Variants in ZNF112 observed in about 807,000 individuals in gnomAD.
ZNF112 encodes the protein zinc finger protein 112 (Y14).
A neutral mutation model predicts 77.7 loss-of-function variants in ZNF112; 37 were observed. The ratio of observed to expected loss-of-function variants is 0.48; its 90% CI spans 0.37 to 0.63. The LOEUF is 0.63. Ranked by LOEUF, ZNF112 falls within the 20% of genes least tolerant of loss-of-function variation. ZNF112 has a pLI of 0.00. For missense variants in ZNF112, 950 were observed against 1,077.4 expected (o/e 0.88, Z 1.66); for synonymous variants, 333 against 363.6 (o/e 0.92, Z 0.96).
Position 44,327,252 on chromosome 19 carries a change from A to T in ZNF112, c.*181T>A. On this transcript the variant is annotated 3_prime_UTR_variant, in exon 4 of 4. Coordinates refer to ENST00000354340, the MANE Select transcript of ZNF112 (RefSeq NM_013380.4). ...AGCCTTAGCTCCTGTGCAATGACTG[A>T]TGTTAAAGTTCTAACAAAATCCCTC... 1.8e-6 allele frequency: 1 copy of T among 568,326 alleles called. No homozygotes were observed. Among genetic ancestry groups the T allele is most frequent in the South Asian group, 2.6e-5 (1 of 39,056 alleles). The allele number at this position is 568,326 out of a possible 1,614,324, so 35.2% of individuals were successfully genotyped here. A position where few individuals can be genotyped will look rare whatever the true frequency, so the allele number is the denominator to read the frequency against.
Position 44,340,388 on chromosome 19 carries a change from T to A in ZNF112, c.124+28A>T, listed in dbSNP as rs537593055. 247 of 1,609,944 alleles carry A rather than the reference T, an allele frequency of 1.5e-4. 1 individual carries two copies. Among genetic ancestry groups the A allele is most frequent in the Admixed American group, 8.3e-4 (49 of 58,688 alleles). On this transcript the variant is annotated intron_variant, in intron 2 of 3. Coordinates refer to ENST00000354340, the MANE Select transcript of ZNF112 (RefSeq NM_013380.4). ...ACAAAGACACCCCAGGAGGCTGCCATTGAGTAACTAAGGGCACCTATCCTC... is the reference window on the plus strand; with the variant it reads ...ACAAAGACACCCCAGGAGGCTGCCAATGAGTAACTAAGGGCACCTATCCTC...
At chr19:44,350,256 T>C (rs1192764288) in intron 1 of ZNF112, among the ~76,000 whole-genome samples, 7 of 152,082 alleles carry the variant, frequency 4.6e-5, no homozygotes, top group Non-Finnish European at 1.0e-4. Flanking sequence ...GAACCACTAG[T>C]GGCAACAGTG....
At chr19:44,357,623 G>T (rs1265319860), upstream of ZNF112, among the ~76,000 whole-genome samples, 2 of 152,130 alleles carry the variant, frequency 1.3e-5, no homozygotes, top group East Asian at 1.9e-4. Flanking sequence ...AACAGTAAAT[G>T]GTTCCCACGT....
chr19:44,330,361 G>C (rs1314402722), intron 3 of ZNF112, among the ~76,000 whole-genome samples: 3 of 152,166 alleles, frequency 2.0e-5, no homozygotes, highest in Non-Finnish European at 2.9e-5. Flanking sequence ...CATAATTCAG[G>C]ATATCTGATG....
chr19:44,363,587 T>C (rs764752210), intron 1 of ZNF112, among the ~76,000 whole-genome samples: 7 of 152,226 alleles, frequency 4.6e-5, no homozygotes, highest in Non-Finnish European at 8.8e-5. Flanking sequence ...ATAGTGTTTT[T>C]CAGATCCATC....
intron 1 of ZNF112, among the ~76,000 whole-genome samples, chr19:44,352,946 AC>A (rs1485845661): frequency 6.6e-6 from 1 of 152,120 alleles, no homozygotes; most frequent in Non-Finnish European, 1.5e-5. Flanking sequence ...CAATGAAAAT[AC>A]CAGCTGAATT....
In ZNF112 at chr19:44,329,369, T is replaced by C; in HGVS notation, c.788A>G (p.Asn263Ser). Residue 263 changes from asparagine (N) to serine (S), a missense_variant, in exon 4 of 4, where the codon AAT becomes AGT. Physicochemically the swap from Asn to Ser is conservative, Grantham distance 46. Transcript: ENST00000354340. The stretch of plus-strand genomic sequence containing the variant: ...CTGATGAACCTCAGAGCTGGAGTCA[T>C]TACTGAAGGCTTTTCTATACCCAGT... ...PCTGYRKAFSNDSSSEVHQQF... is the reference protein window; with the variant it reads ...PCTGYRKAFSSDSSSEVHQQF... The C allele has an allele frequency of 1.9e-6, 3 of 1,613,852 alleles. No individual in the cohort carries two copies. Among genetic ancestry groups the C allele is most frequent in the Non-Finnish European group, 2.5e-6 (3 of 1,179,794 alleles).
intron 1 of ZNF112, among the ~76,000 whole-genome samples, chr19:44,364,130 G>A (rs1970880855): frequency 1.3e-5 from 2 of 151,954 alleles, no homozygotes; most frequent in African/African-American, 2.4e-5. Flanking sequence ...GGCTGGTCTC[G>A]AACTTCTGAC....
chr19:44,340,613 A>T (rs748510756), intron 1 of ZNF112, 71 bp from the exon 2 acceptor site: 64 of 1,608,642 alleles, frequency 4.0e-5, no homozygotes, highest in Admixed American at 1.5e-4. Context: ...AAAGGACTGG[A>T]AGCTGTTCTG....
chr19:44,338,686 T>A (rs1970433240), intron 2 of ZNF112, among the ~76,000 whole-genome samples: 1 of 152,188 alleles, frequency 6.6e-6, no homozygotes, highest in Non-Finnish European at 1.5e-5. Context: ...TGTGGAAATG[T>A]TCTAAATTAA....
At chr19:44,342,774 C>A (rs1970514156) in intron 1 of ZNF112, among the ~76,000 whole-genome samples, 1 of 150,430 alleles carries the variant, frequency 6.6e-6, no homozygotes, top group African/African-American at 2.5e-5. Flanking sequence ...GAGATCATGC[C>A]ACTGCATTCC....
intron 2 of ZNF112, among the ~76,000 whole-genome samples, chr19:44,339,138 T>C (rs1193703568): frequency 6.6e-6 from 1 of 152,184 alleles, no homozygotes; most frequent in African/African-American, 2.4e-5. Flanking sequence ...AAAAACATTA[T>C]ATCTGTCCTG....
At chr19:44,361,354 T>C (rs1312541437), upstream of ZNF112, among the ~76,000 whole-genome samples, 1 of 152,176 alleles carries the variant, frequency 6.6e-6, no homozygotes, top group Non-Finnish European at 1.5e-5. Flanking sequence ...TTCACATGTA[T>C]ATTTATGATT....
At chr19:44,335,924 G>A (rs1970356723) in intron 3 of ZNF112, among the ~76,000 whole-genome samples, 1 of 152,200 alleles carries the variant, frequency 6.6e-6, no homozygotes, top group African/African-American at 2.4e-5. Context: ...TCACATAAAT[G>A]TCCAACTTGA....
chr19:44,361,276 C>T (rs1160567419), upstream of ZNF112, among the ~76,000 whole-genome samples: 2 of 152,114 alleles, frequency 1.3e-5, no homozygotes, highest in South Asian at 4.1e-4. Flanking sequence ...GGGGTGTTTG[C>T]AATTCTACCA....
rs1970142080 is a variant in ZNF112, at chr19:44,327,361, T to G, written c.*72A>C. On this transcript the variant is annotated 3_prime_UTR_variant, in exon 4 of 4. Coordinates refer to ENST00000354340, the MANE Select transcript of ZNF112 (RefSeq NM_013380.4). ...GAAGTTGGGCAGCAACATTACATTT[T>G]AATTTTTAAAAATTCTTTTTCTACT... 7.7e-7 allele frequency: 1 copy of G among 1,294,122 alleles called. No individual in the cohort carries two copies. Among genetic ancestry groups the G allele is most frequent in the East Asian group, 2.5e-5 (1 of 39,804 alleles). The allele number at this position is 1,294,122 out of a possible 1,614,324, so 80.2% of individuals were successfully genotyped here. A position where few individuals can be genotyped will look rare whatever the true frequency, so the allele number is the denominator to read the frequency against.
chr19:44,337,945 C>T (rs867966225), intron 2 of ZNF112, among the ~76,000 whole-genome samples: 7 of 141,550 alleles, frequency 4.9e-5, no homozygotes, highest in African/African-American at 1.8e-4. Flanking sequence ...ACCTAGCATC[C>T]AGACTTTGGC....
intron 3 of ZNF112, among the ~76,000 whole-genome samples, chr19:44,334,961 G>C (rs550701715): frequency 5.1e-4 from 78 of 152,360 alleles, no homozygotes; most frequent in African/African-American, 1.7e-3. Flanking sequence ...GTGGAGCTGT[G>C]AGAAGAGGGC....
intron 1 of ZNF112, among the ~76,000 whole-genome samples, chr19:44,353,138 T>C (rs947725081): frequency 6.6e-6 from 1 of 152,066 alleles, no homozygotes; most frequent in African/African-American, 2.4e-5. Context: ...GATACACACA[T>C]AGATCAATTT....
Sources: gnomAD v4.1 joint callset for allele counts (sites outside exome capture counted in the v4.1 genomes callset) on GRCh38, gnomAD v4.1.1 for gene constraint, MANE v1.5 for transcripts, NCBI Gene and HGNC (gene_info 2026-07-23, HGNC 2026-07-21) for gene names.